The following NCKAP1 variants were observed in gnomAD, a reference collection of about 807,000 sequenced individuals.
NCKAP1 encodes the protein nck-associated protein 1.
NCKAP1 carries 21 observed loss-of-function variants against 151.2 expected under a neutral mutation model. That is an observed-to-expected ratio of 0.14 (90% CI 0.10 to 0.20). The LOEUF is 0.20. Among genes scored for constraint, NCKAP1 ranks in the 10% least tolerant of loss-of-function variants. The pLI is 1.00. For synonymous variants in NCKAP1, 484 were observed against 451.8 expected, an observed-to-expected ratio of 1.07 and a Z score of -0.90; for missense variants, 933 against 1,352.1, an observed-to-expected ratio of 0.69 and a Z score of 4.86.
At chr2:182,961,356 G>T (rs1399815275) in intron 18 of NCKAP1, among the ~76,000 whole-genome samples, 1 of 152,154 alleles carries the variant, frequency 6.6e-6, no homozygotes, top group Non-Finnish European at 1.5e-5. Flanking sequence ...TGATAGACTG[G>T]ATTAAGAAAA....
At chr2:182,927,969 A>G in intron 29 of NCKAP1, 148 bp downstream of exon 29, 1 of 560,430 alleles carries the variant, frequency 1.8e-6, no homozygotes, top group Non-Finnish European at 3.1e-6. Context: ...AAATTCATAT[A>G]CCTGAGAAAA....
chr2:182,998,094 A>G (rs1204977897), intron 6 of NCKAP1, among the ~76,000 whole-genome samples: 3 of 152,220 alleles, frequency 2.0e-5, no homozygotes, highest in Admixed American at 6.5e-5. Flanking sequence ...TCATCTCAAT[A>G]GATGCAGAAA....
chr2:182,952,606 T>C, intron 22 of NCKAP1, 104 bp from the exon 23 acceptor site: 1 of 1,129,782 alleles, frequency 8.9e-7, no homozygotes, highest in South Asian at 1.7e-5. Flanking sequence ...TAATGTAAAA[T>C]CCTGATAAAA....
At chr2:182,943,963 T>C (rs1697048859) in intron 23 of NCKAP1, among the ~76,000 whole-genome samples, 1 of 152,176 alleles carries the variant, frequency 6.6e-6, no homozygotes, top group African/African-American at 2.4e-5. Flanking sequence ...TTTGTGCGCA[T>C]AAAAATTCTC....
At chr2:182,990,971 A>G (rs905153502) in intron 8 of NCKAP1, among the ~76,000 whole-genome samples, 1 of 152,328 alleles carries the variant, frequency 6.6e-6, no homozygotes, top group Non-Finnish European at 1.5e-5. Flanking sequence ...CAATCAAAGA[A>G]ACAGAATACA....
rs776157973 is a variant in NCKAP1, at chr2:182,967,325, C to G, written c.1519G>C (p.Ala507Pro). The change falls in exon 16 of 31, where the codon GCA (alanine) becomes CCA (proline). Residue 507 changes from alanine to proline, a missense_variant. This residue lies in a region of NCKAP1 where 607 missense variants were observed against 795.0 expected (regional missense o/e 0.76). Transcript: ENST00000361354. ...ATCTTTCCAAGTTCTCTGTGATCTG[C>G]AAGGCCAAGTGAAGCCTTTGAGACA... ...TSVSKASLGL[A>P]DHRELGKMMN... 6.2e-7 allele frequency: 1 copy of G among 1,610,126 alleles called. No homozygotes were observed. The highest frequency in any genetic ancestry group is 2.2e-5 in the East Asian group (1 of 44,670).
chr2:182,944,288 A>T (rs55659909), intron 23 of NCKAP1, among the ~76,000 whole-genome samples: 13,078 of 151,878 alleles, frequency 0.086, 739 homozygotes, highest in Non-Finnish European at 0.13. Context: ...GATTTTTTTT[A>T]AAAAAAAGTT....
chr2:183,015,967 G>T (rs941060289), intron 2 of NCKAP1, among the ~76,000 whole-genome samples: 1 of 152,048 alleles, frequency 6.6e-6, no homozygotes, highest in Non-Finnish European at 1.5e-5. Context: ...AGGCTTGAGA[G>T]GGGAAGTAAG....
At chr2:182,952,287 A>G in intron 23 of NCKAP1, 118 bp downstream of exon 23, 2 of 589,230 alleles carry the variant, frequency 3.4e-6, no homozygotes, top group South Asian at 7.2e-5. Context: ...TTTCATTTTC[A>G]TATTAGTACT....
intron 12 of NCKAP1, among the ~76,000 whole-genome samples, chr2:182,982,101 C>T (rs1697952411): frequency 6.6e-6 from 1 of 151,954 alleles, no homozygotes; most frequent in South Asian, 2.1e-4. Context: ...TAATGACACA[C>T]TGAGTTGCAA....
chr2:182,964,598 G>A (rs1429035496), intron 17 of NCKAP1, 78 bp downstream of exon 17: 2 of 1,262,520 alleles, frequency 1.6e-6, no homozygotes, highest in Non-Finnish European at 2.1e-6. Flanking sequence ...AATTATGACT[G>A]TAAATATTTG....
chr2:182,914,640 T>G lies in NCKAP1; in HGVS notation c.*11062A>C, dbSNP rs1696439980. 1 of 152,174 alleles carries G rather than the reference T, an allele frequency of 6.6e-6. No individual in the cohort carries two copies. The highest frequency in any genetic ancestry group is 1.5e-5 in the Non-Finnish European group (1 of 68,024). The allele number at this position is 152,174 out of a possible 1,614,324, so 9.4% of individuals were successfully genotyped here. ...CTCCTTTTCTGGTTCCCTTTAAAACTTAAGTCACTTAGAATGACATGAGGG... is the reference window on the plus strand; with the variant it reads ...CTCCTTTTCTGGTTCCCTTTAAAACGTAAGTCACTTAGAATGACATGAGGG... On this transcript the variant is annotated 3_prime_UTR_variant, in exon 31 of 31. Transcript: ENST00000361354.
rs1460725983 is a variant in NCKAP1, at chr2:182,989,148, C to T, written c.829G>A (p.Ala277Thr). ...AGTTTCCAAAGGTTCAGTGCTGTAG[C>T]GTCAGTATTTAGGATCCCATGGCAC... Reference protein sequence around the residue: ...ILCHGILNTDATALNLWKLAL... With the variant: ...ILCHGILNTDTTALNLWKLAL... The change falls in exon 9 of 31, where the codon GCT (alanine) becomes ACT (threonine). Residue 277 changes from alanine (A) to threonine (T), a missense_variant. Around this residue, in one of 2 missense-constraint regions of NCKAP1, gnomAD observed 607 missense variants for 795.0 expected, o/e 0.76. Transcript: ENST00000361354. 5 of 1,610,974 alleles carry T rather than the reference C, an allele frequency of 3.1e-6. No individual in the cohort carries two copies. The highest frequency in any genetic ancestry group is 1.7e-4 in the Middle Eastern group (1 of 6,046).
intron 2 of NCKAP1, among the ~76,000 whole-genome samples, chr2:183,017,573 G>A (rs994766439): frequency 6.6e-6 from 1 of 152,126 alleles, no homozygotes; most frequent in African/African-American, 2.4e-5. Flanking sequence ...AAATACAGAT[G>A]AAGCTTAGGG....
At chr2:183,013,628 A>G (rs1698630305) in intron 2 of NCKAP1, among the ~76,000 whole-genome samples, 1 of 152,124 alleles carries the variant, frequency 6.6e-6, no homozygotes, top group South Asian at 2.1e-4. Flanking sequence ...CCTGCAGACT[A>G]TTCTCTACCG....
At chr2:183,026,904 T>C (rs1460875237) in intron 1 of NCKAP1, among the ~76,000 whole-genome samples, 1 of 152,222 alleles carries the variant, frequency 6.6e-6, no homozygotes, top group Non-Finnish European at 1.5e-5. Flanking sequence ...CCAAGTCTAA[T>C]ATGAATAGTA....
At chr2:183,005,919 G>C (rs957041544) in intron 2 of NCKAP1, among the ~76,000 whole-genome samples, 1 of 151,976 alleles carries the variant, frequency 6.6e-6, no homozygotes. Context: ...TCAGAAAACC[G>C]CACCTGATTG....
At chr2:182,982,965 G>T (rs1161848396) in intron 11 of NCKAP1, 38 bp from the exon 12 acceptor site, 3 of 1,446,864 alleles carry the variant, frequency 2.1e-6, no homozygotes, top group Non-Finnish European at 2.8e-6. Flanking sequence ...CTTATTCAAA[G>T]ATTAAAAACA....
chr2:183,009,189 C>T (rs1698538718), intron 2 of NCKAP1, among the ~76,000 whole-genome samples: 1 of 152,076 alleles, frequency 6.6e-6, no homozygotes. Context: ...GCCTGGACAA[C>T]ATGGTGAAAC....
Sources: allele counts gnomAD v4.1 joint callset (sites outside exome capture counted in the v4.1 genomes callset), GRCh38; gene constraint gnomAD v4.1.1; regional missense constraint gnomAD v4.1.1; transcripts MANE v1.5; gene names NCBI Gene and HGNC (gene_info 2026-07-23, HGNC 2026-07-21).